Variants in ZNF398 observed in about 807,000 individuals in gnomAD.
ZNF398 encodes zinc finger DNA binding protein ZER6.
ZNF398 carries 18 observed loss-of-function variants against 41.9 expected under a neutral mutation model. That is an observed-to-expected ratio of 0.43 (90% CI 0.30 to 0.64). The LOEUF (loss-of-function observed/expected upper bound fraction) is 0.64. Among genes scored for constraint, ZNF398 ranks in the 30% least tolerant of loss-of-function variants. The probability of loss-of-function intolerance (pLI) is 0.14; values close to 1 mark genes in which losing one functional copy is unlikely to be tolerated. For missense variants in ZNF398, 669 were observed against 822.8 expected (o/e 0.81, Z 2.29); for synonymous variants, 260 against 308.8 (o/e 0.84, Z 1.66).
In ZNF398 at chr7:149,166,339, A is replaced by G. The variant is rs931174972; in HGVS notation, c.547+55A>G. 6.2e-6 allele frequency: 10 copies of G among 1,600,676 alleles called. No individual in the cohort carries two copies. In the African/African-American group the frequency reaches 1.3e-4, roughly 21 times the overall value. ...AGTGACAGCAGCTCCAAGAGGGCTC[A>G]GAACAGTCCCTTTTCCTCCAGTGAC... On this transcript the variant is annotated intron_variant, in intron 3 of 5. Transcript: ENST00000475153.
At chr7:149,178,121 C>G (rs1205459021) in intron 5 of ZNF398, among the ~76,000 whole-genome samples, 2 of 152,114 alleles carry the variant, frequency 1.3e-5, no homozygotes, top group African/African-American at 4.8e-5. Flanking sequence ...GAAACCCTGT[C>G]TCTACTAAAA....
At chr7:149,138,243 T>C (rs1446413714) in intron 2 of ZNF398, among the ~76,000 whole-genome samples, 1 of 149,472 alleles carries the variant, frequency 6.7e-6, no homozygotes, top group African/African-American at 2.5e-5. Flanking sequence ...TTTAATGCTA[T>C]GCAAGATATT....
intron 1 of ZNF398, among the ~76,000 whole-genome samples, chr7:149,126,994 G>A (rs575520868): frequency 6.6e-6 from 1 of 152,324 alleles, no homozygotes; most frequent in South Asian, 2.1e-4. Context: ...GCCGCCTGCG[G>A]GGACTCAGGG....
chr7:149,135,891 C>T (rs983966379), intron 2 of ZNF398, among the ~76,000 whole-genome samples: 1 of 151,690 alleles, frequency 6.6e-6, no homozygotes, highest in Non-Finnish European at 1.5e-5. Context: ...AGGAGGCGGA[C>T]GTTGCAGTGA....
At chr7:149,145,328 G>A (rs78102833), upstream of ZNF398, among the ~76,000 whole-genome samples, 5,408 of 152,262 alleles carry the variant, frequency 0.036, 313 homozygotes, top group African/African-American at 0.12. Flanking sequence ...ATTGCATGCA[G>A]GTTCTGGACA....
chr7:149,175,693 T>G (rs561668866), intron 4 of ZNF398, among the ~76,000 whole-genome samples: 70 of 152,276 alleles, frequency 4.6e-4, no homozygotes, highest in African/African-American at 1.6e-3. Context: ...TTTGTTTGTT[T>G]GTTTTGAAAT....
Position 149,166,888 on chromosome 7 carries a change from G to C in ZNF398, c.619G>C (p.Ala207Pro). Reference protein sequence around the residue: ...PEGEHNTEDQAGPEESEIPTD... With the variant: ...PEGEHNTEDQPGPEESEIPTD... ...AGGGGAACATAATACAGAGGACCAG[G>C]CAGGGCCAGAGGAAAGTGAGATTCC... The change falls in exon 4 of 6, where the codon GCA becomes CCA. Residue 207 changes from alanine to proline, a missense_variant. By Grantham distance (27) the Ala-to-Pro change is conservative. Transcript: ENST00000475153. 1 of 1,613,142 alleles carries C rather than the reference G, an allele frequency of 6.2e-7. No homozygotes were observed.
intron 2 of ZNF398, among the ~76,000 whole-genome samples, chr7:149,132,796 C>T (rs1332196801): frequency 6.6e-6 from 1 of 152,148 alleles, no homozygotes; most frequent in African/African-American, 2.4e-5. Flanking sequence ...GATGGAGCCG[C>T]CATTTTAAAC....
chr7:149,133,885 G>A (rs1305250608), intron 2 of ZNF398, among the ~76,000 whole-genome samples: 5 of 149,716 alleles, frequency 3.3e-5, no homozygotes. Context: ...CCGAGTAGCT[G>A]GGATTACAGG....
At chr7:149,154,557 C>T (rs1174212772) in intron 2 of ZNF398, among the ~76,000 whole-genome samples, 1 of 152,100 alleles carries the variant, frequency 6.6e-6, no homozygotes, top group Non-Finnish European at 1.5e-5. Flanking sequence ...AGATTGGAAA[C>T]CTCTTGCTGG....
intron 1 of ZNF398, among the ~76,000 whole-genome samples, chr7:149,148,863 C>CTTTTTTTTTTTTTTTTTTTTTTTTTT (rs59895177): frequency 3.2e-5 from 2 of 63,282 alleles, no homozygotes; most frequent in African/African-American, 6.9e-5. Flanking sequence ...TTTTCTTTGT[C>CTTTTTTTTTTTTTTTTTTTTTTTTTT]TTTTTTTTTT....
Position 149,179,160 on chromosome 7 carries a change from C to A in ZNF398, c.1288C>A (p.Pro430Thr), listed in dbSNP as rs754670718. Residue 430 changes from proline to threonine, a missense_variant, in exon 6 of 6, where the codon CCT becomes ACT. By Grantham distance (38) the Pro-to-Thr change is conservative (BLOSUM62 -1). Transcript: ENST00000475153. This position sits in a 1 kb window ranked among gnomAD's most constrained non-coding sequence, Gnocchi z 6.1. Reference sequence around the variant, plus strand: ...CAGCACTGAGCGTCCTTTCCCCTGTCCTGATTGCCCCAAGCGCTTTGCTGA... The same window carrying A: ...CAGCACTGAGCGTCCTTTCCCCTGTACTGATTGCCCCAAGCGCTTTGCTGA... ...HNSTERPFPCPDCPKRFADQA... is the reference protein window; with the variant it reads ...HNSTERPFPCTDCPKRFADQA... The A allele has an allele frequency of 5.0e-6, 8 of 1,613,924 alleles. No homozygotes were observed. The East Asian group carries it at 1.8e-4, about 36-fold the overall frequency.
At position 149,154,283 on chromosome 7, in the gene ZNF398, C is replaced by T. The variant is rs149464442; in HGVS notation, c.363C>T (p.Arg121=). ...RRLENLENLL[R]NRNFWILRLP... ...TGGAGAACTTGGAGAACCTGCTGCG[C>T]AACAGGAACTTCTGGATCCTGCGGC... Residue 121 remains arginine, a synonymous_variant, in exon 2 of 6, where the codon CGC becomes CGT. Transcript: ENST00000475153. 3.0e-5 allele frequency: 48 copies of T among 1,614,000 alleles called. No individual in the cohort carries two copies. The highest frequency in any genetic ancestry group is 3.9e-5 in the Non-Finnish European group (46 of 1,180,014).
intron 2 of ZNF398, among the ~76,000 whole-genome samples, chr7:149,130,202 T>G (rs893219245): frequency 6.6e-6 from 1 of 152,100 alleles, no homozygotes; most frequent in African/African-American, 2.4e-5. Flanking sequence ...TTCAAGCGAC[T>G]CCCCCACCTC....
chr7:149,155,708 T>TATATATATATA (rs1320419899), intron 2 of ZNF398, among the ~76,000 whole-genome samples: 2 of 11,434 alleles, frequency 1.7e-4, no homozygotes, highest in South Asian at 5.2e-3. Flanking sequence ...TATATATATA[T>TATATATATATA]TTTTTTTTTT....
chr7:149,135,338 C>T (rs562407750), intron 2 of ZNF398, among the ~76,000 whole-genome samples: 2 of 138,596 alleles, frequency 1.4e-5, no homozygotes, highest in Non-Finnish European at 3.0e-5. Context: ...TGCAGTGTGC[C>T]GAGATCGCGC....
chr7:149,169,660 C>T (rs541001690), intron 4 of ZNF398, among the ~76,000 whole-genome samples: 56 of 152,232 alleles, frequency 3.7e-4, no homozygotes, highest in African/African-American at 1.3e-3. Flanking sequence ...CCATGTTGCC[C>T]GGGCTGGTTT....
intron 2 of ZNF398, among the ~76,000 whole-genome samples, chr7:149,155,727 T>TATTTA (rs1395261209): frequency 0.014 from 880 of 62,876 alleles, 15 homozygotes; most frequent in African/African-American, 0.021. Flanking sequence ...TTTTTTTTTT[T>TATTTA]TTAATTTTTT....
chr7:149,177,120 T>G lies in ZNF398; in HGVS notation c.775+539T>G, dbSNP rs865952854. The stretch of plus-strand genomic sequence containing the variant: ...ATTTATACAGCTTAATGCATTCTGT[T>G]TTTTTTTTAGTATTTTCTGTGCTCT... On this transcript the variant is annotated intron_variant, in intron 5 of 5. Transcript: ENST00000475153. Among the ~76,000 whole-genome samples the G allele has an allele frequency of 8.8e-3, 1,329 of 151,722 alleles. 8 individuals are homozygous for G. Among genetic ancestry groups the G allele is most frequent in the African/African-American group, 0.015 (637 of 41,388 alleles).
Sources: gnomAD v4.1 joint callset for allele counts (sites outside exome capture counted in the v4.1 genomes callset) on GRCh38, gnomAD v4.1.1 for gene constraint, Gnocchi (gnomAD v3.1) non-coding constraint, MANE v1.5 for transcripts, NCBI Gene and HGNC (gene_info 2026-07-23, HGNC 2026-07-21) for gene names.